The following ALK variants were observed in gnomAD, a reference collection of about 807,000 sequenced individuals.
ALK encodes ALK tyrosine kinase receptor.
Under a neutral mutation model 163.1 loss-of-function variants are expected in ALK, and 74 were observed. That is an observed-to-expected ratio of 0.45 (90% CI 0.38 to 0.55). ALK has a LOEUF of 0.55. Among genes scored for constraint, ALK ranks in the 20% least tolerant of loss-of-function variants. ALK has a pLI of 0.00. For missense variants in ALK, 2,063 were observed against 2,105.3 expected (o/e 0.98, Z 0.39); for synonymous variants, 960 against 843.2 (o/e 1.14, Z -2.40).
intron 3 of ALK, among the ~76,000 whole-genome samples, chr2:29,605,984 A>C (rs1185466987): frequency 6.6e-6 from 1 of 151,496 alleles, no homozygotes; most frequent in African/African-American, 2.4e-5. Context: ...AAAAATCTTC[A>C]TTTCCTTTCC....
At chr2:29,676,751 T>C (rs981782269) in intron 3 of ALK, among the ~76,000 whole-genome samples, 5 of 152,090 alleles carry the variant, frequency 3.3e-5, no homozygotes, top group African/African-American at 9.7e-5. Flanking sequence ...CTTGAAGCTA[T>C]TGATATTTTC....
At chr2:29,636,366 G>C (rs1346447142) in intron 3 of ALK, among the ~76,000 whole-genome samples, 9 of 147,972 alleles carry the variant, frequency 6.1e-5, no homozygotes, top group African/African-American at 2.2e-4. Context: ...GAAAAGAAAA[G>C]AAAAGAAAAG....
intron 2 of ALK, among the ~76,000 whole-genome samples, chr2:29,699,618 G>C (rs1678673345): frequency 6.6e-6 from 1 of 152,174 alleles, no homozygotes; most frequent in Admixed American, 6.5e-5. Flanking sequence ...TTCATGATAG[G>C]GGACAGATCT....
At chr2:29,911,366 G>A (rs777342511) in intron 1 of ALK, among the ~76,000 whole-genome samples, 1 of 152,198 alleles carries the variant, frequency 6.6e-6, no homozygotes, top group Non-Finnish European at 1.5e-5. Context: ...CAACTTTCAG[G>A]ATAAAGGACT....
chr2:29,230,872 G>C (rs537161363), intron 15 of ALK, among the ~76,000 whole-genome samples: 1 of 152,280 alleles, frequency 6.6e-6, no homozygotes, highest in Admixed American at 6.5e-5. Context: ...GAGTAAGCGC[G>C]TAATAAATAA....
rs60719550 is a variant in ALK at position 29,508,733 on chromosome 2, CAAAAAA to C, written c.1154+23176_1154+23181del. ...CCAAAAAAATCCCATATCTGCAACTCAAAAAAAAAAAAAAAAAAAAAAAAAGAAATC... is the reference window on the plus strand; with the variant it reads ...CCAAAAAAATCCCATATCTGCAACTCAAAAAAAAAAAAAAAAAAAGAAATC... On this transcript the variant is annotated intron_variant, in intron 4 of 28. Transcript: ENST00000389048. Among the ~76,000 whole-genome samples the C allele has an allele frequency of 8.2e-3, 540 of 65,522 alleles. 1 individual carries two copies. Among genetic ancestry groups the C allele is most frequent in the African/African-American group, 0.032 (471 of 14,836 alleles). 43.0% of individuals were successfully genotyped at this position (65,522 alleles called of 152,430 possible). A position where few individuals can be genotyped will look rare whatever the true frequency, so the allele number is the denominator to read the frequency against.
intron 4 of ALK, among the ~76,000 whole-genome samples, chr2:29,485,790 C>G (rs773447724): frequency 3.3e-5 from 5 of 152,138 alleles, no homozygotes; most frequent in Non-Finnish European, 5.9e-5. Context: ...TCTGGGCAGT[C>G]TGGTTCGGGT....
chr2:29,765,204 T>C (rs1454229191), intron 1 of ALK, among the ~76,000 whole-genome samples: 4 of 152,236 alleles, frequency 2.6e-5, no homozygotes, highest in Non-Finnish European at 4.4e-5. Context: ...TTCAAAGCAA[T>C]GTGAGAATGG....
intron 3 of ALK, among the ~76,000 whole-genome samples, chr2:29,576,058 C>T (rs1405268742): frequency 6.6e-6 from 1 of 152,180 alleles, no homozygotes; most frequent in East Asian, 1.9e-4. Flanking sequence ...CTGCAGTTAT[C>T]CCATTTCATA....
intron 3 of ALK, among the ~76,000 whole-genome samples, chr2:29,536,302 T>C (rs541397133): frequency 1.3e-5 from 2 of 149,976 alleles, no homozygotes; most frequent in Admixed American, 6.6e-5. Context: ...CCTTGGTATA[T>C]GTGAGTTCTT....
At chr2:29,851,118 C>T (rs1665979057) in intron 1 of ALK, among the ~76,000 whole-genome samples, 1 of 152,212 alleles carries the variant, frequency 6.6e-6, no homozygotes, top group Non-Finnish European at 1.5e-5. Flanking sequence ...GTGCCTTCTC[C>T]CGAATTAGAG....
At chr2:29,339,194 G>C (rs956932943) in intron 5 of ALK, among the ~76,000 whole-genome samples, 3 of 151,286 alleles carry the variant, frequency 2.0e-5, no homozygotes, top group Non-Finnish European at 4.4e-5. Context: ...AGTGAACTCA[G>C]ATCACGCCAC....
At chr2:29,304,631 A>T (rs1666456286) in intron 8 of ALK, among the ~76,000 whole-genome samples, 1 of 152,152 alleles carries the variant, frequency 6.6e-6, no homozygotes, top group Admixed American at 6.5e-5. Context: ...TTGCATCAAC[A>T]TTCATTCTTC....
At chr2:29,787,417 T>A (rs1379393325) in intron 1 of ALK, among the ~76,000 whole-genome samples, 5 of 152,208 alleles carry the variant, frequency 3.3e-5, no homozygotes, top group Admixed American at 3.3e-4. Flanking sequence ...CAGTGTTTAT[T>A]AATTTGCAGT....
intron 4 of ALK, among the ~76,000 whole-genome samples, chr2:29,507,031 C>T (rs556655338): frequency 6.6e-6 from 1 of 152,184 alleles, no homozygotes; most frequent in South Asian, 2.1e-4. Flanking sequence ...AGGTATATAT[C>T]CAAGAAAAGG....
At chr2:29,875,460 G>GA (rs1666679947) in intron 1 of ALK, among the ~76,000 whole-genome samples, 1 of 152,120 alleles carries the variant, frequency 6.6e-6, no homozygotes, top group Admixed American at 6.5e-5. Context: ...TACATGTGCT[G>GA]AATGTGCAGG....
chr2:29,243,918 T>C (rs1479839464), intron 12 of ALK, among the ~76,000 whole-genome samples: 1 of 152,268 alleles, frequency 6.6e-6, no homozygotes, highest in Non-Finnish European at 1.5e-5. Flanking sequence ...TTTTTCCTCA[T>C]CTAAATCCAT....
At chr2:29,673,029 T>A (rs1287290033) in intron 3 of ALK, among the ~76,000 whole-genome samples, 1 of 126,078 alleles carries the variant, frequency 7.9e-6, no homozygotes, top group Non-Finnish European at 1.6e-5. Flanking sequence ...GGGTTGTTTG[T>A]TTTTTTCTTG....
intron 1 of ALK, among the ~76,000 whole-genome samples, chr2:29,773,547 G>C (rs189980436): frequency 6.6e-6 from 1 of 152,278 alleles, no homozygotes; most frequent in African/African-American, 2.4e-5. Flanking sequence ...TGACCGCAAA[G>C]GGCAAAACTC....
Sources: allele counts gnomAD v4.1 joint callset (sites outside exome capture counted in the v4.1 genomes callset), GRCh38; gene constraint gnomAD v4.1.1; transcripts MANE v1.5; gene names NCBI Gene and HGNC (gene_info 2026-07-23, HGNC 2026-07-21).